THEM4: variants seen among roughly 807,000 people sequenced by gnomAD.
The protein encoded by THEM4 is acyl-coenzyme A thioesterase THEM4.
In THEM4, 22 loss-of-function variants were observed where a neutral mutation model predicts 25.0. The ratio of observed to expected loss-of-function variants is 0.88; its 90% CI spans 0.63 to 1.26. The LOEUF (loss-of-function observed/expected upper bound fraction) is 1.26, where lower values mean the gene tolerates loss of function less well. Ranked by LOEUF, THEM4 falls within the 50% of genes most tolerant of loss-of-function variation. THEM4 has a pLI of 0.00. For synonymous variants in THEM4, 113 were observed against 105.6 expected, an observed-to-expected ratio of 1.07 and a Z score of -0.43; for missense variants, 286 against 300.3, an observed-to-expected ratio of 0.95 and a Z score of 0.35.
intron 1 of THEM4, among the ~76,000 whole-genome samples, chr1:151,901,861 A>C (rs10888448): frequency 0.92 from 139,278 of 151,964 alleles, 63,823 homozygotes; most frequent in East Asian, 0.95. Flanking sequence ...AACAAACAAA[A>C]AAAAAAAACA....
In THEM4 at chr1:151,877,080, A is replaced by G. The variant is rs1653700076; in HGVS notation, c.603T>C (p.Asp201=). Residue 201 remains aspartate (D), a synonymous_variant, in exon 5 of 6, where the codon GAT becomes GAC. Coordinates refer to ENST00000368814, the MANE Select transcript of THEM4 (RefSeq NM_053055.5). ...CSVVMINSQL[D]KVEGRKFFVS... ...CAAAAAATTTCCTTCCTTCAACTTT[A>G]TCAAGTTGGCTATTTATCATAACAA... The G allele has an allele frequency of 6.2e-7, 1 of 1,613,768 alleles. No individual in the cohort carries two copies. Among genetic ancestry groups the G allele is most frequent in the South Asian group, 1.1e-5 (1 of 91,004 alleles).
chr1:151,879,750 G>A (rs922063914), intron 4 of THEM4, among the ~76,000 whole-genome samples: 8 of 150,716 alleles, frequency 5.3e-5, no homozygotes, highest in African/African-American at 2.0e-4. Context: ...TCCGCCTCCT[G>A]GGTTCAAGCG....
In THEM4 at chr1:151,874,449, A is replaced by ACTG. The variant is rs370658906; in HGVS notation, c.*436_*438dup. ...GAGTGATGTGGCATGATCTTGGCTC[A>ACTG]CTGCAACCTCTTCCTCCTGGGTTCA... On this transcript the variant is annotated 3_prime_UTR_variant, in exon 6 of 6. Coordinates refer to ENST00000368814, the MANE Select transcript of THEM4 (RefSeq NM_053055.5). 2.4e-3 allele frequency: 386 copies of ACTG among 161,910 alleles called. 2 individuals are homozygous for ACTG. Among genetic ancestry groups the ACTG allele is most frequent in the Middle Eastern group, 0.023 (8 of 344 alleles). 10.0% of individuals were successfully genotyped at this position (161,910 alleles called of 1,614,324 possible).
chr1:151,901,504 T>C (rs1305147441), intron 1 of THEM4, among the ~76,000 whole-genome samples: 2 of 152,126 alleles, frequency 1.3e-5, no homozygotes, highest in Non-Finnish European at 2.9e-5. Context: ...TCTCAGACCA[T>C]AGTGGAATAA....
At position 151,877,139 on chromosome 1, in the gene THEM4, T is replaced by A. The variant is rs1026241265; in HGVS notation, c.558-14A>T. 5 of 1,589,196 alleles carry A rather than the reference T, an allele frequency of 3.1e-6. No individual in the cohort carries two copies. In the Admixed American group the frequency reaches 7.6e-5, roughly 24 times the overall value. ...AGAGGGATAGGTCTGCAGAATAAAA[T>A]GAAAAAGGAAAAAAATCAGTTTTTA... On this transcript the variant is annotated splice_polypyrimidine_tract_variant and intron_variant, in intron 4 of 5. Transcript: ENST00000368814.
chr1:151,909,038 C>G (rs1301711621), intron 1 of THEM4, among the ~76,000 whole-genome samples: 3 of 152,174 alleles, frequency 2.0e-5, no homozygotes, highest in Admixed American at 6.5e-5. Flanking sequence ...AAAATAAAAA[C>G]AGCCTCAAAT....
chr1:151,875,006 T>A, intron 5 of THEM4, 78 bp from the exon 6 acceptor site: 5 of 1,125,994 alleles, frequency 4.4e-6, no homozygotes, highest in Non-Finnish European at 6.8e-6. Context: ...TAGAAAGACA[T>A]ATACAAAAGA....
chr1:151,887,579 A>G (rs1572076597), intron 4 of THEM4, among the ~76,000 whole-genome samples: 1 of 152,106 alleles, frequency 6.6e-6, no homozygotes, highest in East Asian at 1.9e-4. Context: ...AAATAAATGG[A>G]AAGACATCTG....
At chr1:151,881,717 T>C (rs1353000004) in intron 4 of THEM4, among the ~76,000 whole-genome samples, 1 of 152,254 alleles carries the variant, frequency 6.6e-6, no homozygotes, top group Non-Finnish European at 1.5e-5. Context: ...TGCTTTGTAA[T>C]GGCTGCTCTA....
intron 2 of THEM4, chr1:151,890,436 C>T (rs942260794): frequency 2.4e-5 from 5 of 205,666 alleles, no homozygotes; most frequent in Middle Eastern, 1.0e-3. Context: ...ATTTAATCCC[C>T]CTACTCACCT....
intron 1 of THEM4, among the ~76,000 whole-genome samples, chr1:151,903,732 A>T (rs1021839098): frequency 2.0e-5 from 3 of 152,242 alleles, no homozygotes; most frequent in Non-Finnish European, 4.4e-5. Context: ...ATTTGAACTC[A>T]TCTCATTAGC....
At chr1:151,890,224 G>C (rs1351931896) in intron 2 of THEM4, 2 of 457,474 alleles carry the variant, frequency 4.4e-6, no homozygotes, top group East Asian at 7.0e-5. Flanking sequence ...GCTTTAAAAA[G>C]AAACAGAACA....
rs1021265736 is a variant in THEM4 at position 151,873,662 on chromosome 1, G to C, written c.*1226C>G. On this transcript the variant is annotated 3_prime_UTR_variant, in exon 6 of 6. Transcript: ENST00000368814. ...AAGTTAAAATGAGGTCATTCAGGTGGGTCCATTATGACTGGTTTCCTTATA... is the reference window on the plus strand; with the variant it reads ...AAGTTAAAATGAGGTCATTCAGGTGCGTCCATTATGACTGGTTTCCTTATA... 6.6e-6 allele frequency: 1 copy of C among 152,184 alleles called. No homozygotes were observed. Among genetic ancestry groups the C allele is most frequent in the Admixed American group, 6.5e-5 (1 of 15,276 alleles). 9.4% of individuals were successfully genotyped at this position (152,184 alleles called of 1,614,324 possible). A position where few individuals can be genotyped will look rare whatever the true frequency, so the allele number is the denominator to read the frequency against.
intron 1 of THEM4, among the ~76,000 whole-genome samples, chr1:151,899,252 C>T (rs886722204): frequency 2.0e-5 from 3 of 152,212 alleles, no homozygotes; most frequent in Non-Finnish European, 2.9e-5. Flanking sequence ...CAGCACTTTG[C>T]GAGGCCAAGG....
chr1:151,899,446 G>T (rs1654301718), intron 1 of THEM4, among the ~76,000 whole-genome samples: 1 of 148,378 alleles, frequency 6.7e-6, no homozygotes, highest in Admixed American at 6.8e-5. Flanking sequence ...AGCCAAGATT[G>T]TGCCACTGCA....
chr1:151,899,745 G>A (rs761589531), intron 1 of THEM4, among the ~76,000 whole-genome samples: 2 of 152,108 alleles, frequency 1.3e-5, no homozygotes, highest in Non-Finnish European at 2.9e-5. Context: ...GGGAATAATC[G>A]AGGAAAACTT....
chr1:151,901,568 C>T (rs564548929), intron 1 of THEM4, among the ~76,000 whole-genome samples: 18 of 152,178 alleles, frequency 1.2e-4, no homozygotes, highest in Admixed American at 3.9e-4. Flanking sequence ...ATAGGCCAGG[C>T]GCTGTGGCTC....
chr1:151,882,548 G>A (rs1653866540), intron 4 of THEM4, among the ~76,000 whole-genome samples: 1 of 152,138 alleles, frequency 6.6e-6, no homozygotes, highest in Admixed American at 6.5e-5. Context: ...CTATTTGGTG[G>A]CACACATGGG....
At chr1:151,909,268 G>T in intron 1 of THEM4, 92 bp downstream of exon 1, 1 of 1,083,042 alleles carries the variant, frequency 9.2e-7, no homozygotes, top group Non-Finnish European at 1.3e-6. Context: ...AGATTGGCTG[G>T]TTGGGGTATG....
Sources: allele counts gnomAD v4.1 joint callset (sites outside exome capture counted in the v4.1 genomes callset), GRCh38; gene constraint gnomAD v4.1.1; transcripts MANE v1.5; gene names NCBI Gene and HGNC (gene_info 2026-07-23, HGNC 2026-07-21).